The following KCNQ3 variants were observed in gnomAD, a reference collection of about 807,000 sequenced individuals.
The protein encoded by KCNQ3 is potassium voltage-gated channel subfamily Q member 3.
KCNQ3 carries 30 observed loss-of-function variants against 92.5 expected under a neutral mutation model. That is an observed-to-expected ratio of 0.32 (90% CI 0.24 to 0.44). KCNQ3 has a LOEUF of 0.44. Ranked by LOEUF, KCNQ3 falls within the 20% of genes least tolerant of loss-of-function variation. KCNQ3 has a pLI of 1.00. For synonymous variants in KCNQ3, 450 were observed against 468.8 expected (o/e 0.96, Z 0.52); for missense variants, 913 against 1,140.3 (o/e 0.80, Z 2.87).
chr8:132,201,850 T>G (rs1327333671), intron 1 of KCNQ3, among the ~76,000 whole-genome samples: 1 of 152,054 alleles, frequency 6.6e-6, no homozygotes, highest in Non-Finnish European at 1.5e-5. Flanking sequence ...CCTAGCGAGG[T>G]CTCTCTGTAA....
At chr8:132,249,201 G>A (rs1011323884) in intron 1 of KCNQ3, among the ~76,000 whole-genome samples, 3 of 152,202 alleles carry the variant, frequency 2.0e-5, no homozygotes, top group Non-Finnish European at 2.9e-5. Flanking sequence ...CCACAGTGCA[G>A]AAGGGGACCC....
At chr8:132,176,715 T>C (rs183378624) in intron 4 of KCNQ3, among the ~76,000 whole-genome samples, 4 of 152,286 alleles carry the variant, frequency 2.6e-5, no homozygotes, top group Admixed American at 1.3e-4. Context: ...GGAGTCATCT[T>C]CAGACTCATG....
intron 1 of KCNQ3, among the ~76,000 whole-genome samples, chr8:132,426,877 AAAC>A (rs1377513166): frequency 1.3e-5 from 2 of 152,172 alleles, no homozygotes; most frequent in African/African-American, 4.8e-5. Context: ...TTTCATGCAT[AAAC>A]AACACTTACA....
chr8:132,281,342 G>T (rs1816505336), intron 1 of KCNQ3, among the ~76,000 whole-genome samples: 1 of 152,044 alleles, frequency 6.6e-6, no homozygotes, highest in Non-Finnish European at 1.5e-5. Context: ...AAAAGCACCT[G>T]CCCTTCCTCC....
intron 1 of KCNQ3, among the ~76,000 whole-genome samples, chr8:132,277,664 C>T (rs1816378336): frequency 6.6e-6 from 1 of 152,052 alleles, no homozygotes; most frequent in Non-Finnish European, 1.5e-5. Flanking sequence ...GCTAAGAAGC[C>T]CAAATGAGCA....
intron 9 of KCNQ3, among the ~76,000 whole-genome samples, chr8:132,142,314 G>C: frequency 6.6e-6 from 1 of 152,158 alleles, no homozygotes; most frequent in East Asian, 1.9e-4. Context: ...TTAAGCCCAA[G>C]TCCACCCTTC....
chr8:132,154,225 G>GTTTTTT (rs1825738295), intron 9 of KCNQ3, among the ~76,000 whole-genome samples: 2 of 103,570 alleles, frequency 1.9e-5, no homozygotes, highest in African/African-American at 6.6e-5. Context: ...TTTTTTTTTA[G>GTTTTTT]CCAATCAGGC....
intron 1 of KCNQ3, among the ~76,000 whole-genome samples, chr8:132,301,627 G>T (rs1490121097): frequency 1.3e-5 from 2 of 152,208 alleles, no homozygotes; most frequent in African/African-American, 4.8e-5. Context: ...GTCTTGCTGG[G>T]TGATTGATGG....
intron 1 of KCNQ3, among the ~76,000 whole-genome samples, chr8:132,223,254 T>G (rs1477330537): frequency 6.6e-6 from 1 of 152,072 alleles, no homozygotes; most frequent in Non-Finnish European, 1.5e-5. Flanking sequence ...CTAATAAGAA[T>G]CTAATAATGT....
intron 1 of KCNQ3, among the ~76,000 whole-genome samples, chr8:132,259,740 T>C (rs747599320): frequency 2.6e-5 from 4 of 152,126 alleles, no homozygotes; most frequent in Non-Finnish European, 5.9e-5. Flanking sequence ...CATGATCTTT[T>C]ATACAAATAA....
At chr8:132,323,582 C>T (rs1001652538) in intron 1 of KCNQ3, among the ~76,000 whole-genome samples, 1 of 152,132 alleles carries the variant, frequency 6.6e-6, no homozygotes, top group Non-Finnish European at 1.5e-5. Flanking sequence ...TAGAAAATGG[C>T]CGTAGGTGCT....
intron 1 of KCNQ3, among the ~76,000 whole-genome samples, chr8:132,283,077 T>A (rs1242907307): frequency 2.7e-5 from 1 of 36,482 alleles, no homozygotes; most frequent in Non-Finnish European, 1.0e-4. Context: ...GATGAGGATC[T>A]CTCTCTCTCT....
rs35942631 is a variant in KCNQ3, at chr8:132,130,074, CT to C, written c.1885-79del. 0.2 allele frequency: 195,056 copies of C among 986,826 alleles called. 2,868 individuals are homozygous for C. The highest frequency in any genetic ancestry group is 0.22 in the Middle Eastern group (617 of 2,816). 61.1% of individuals were successfully genotyped at this position (986,826 alleles called of 1,614,324 possible). ...TTGCTATTGGTTGGGAGGAAATATTCTTTTTTTTTGTTTTTTTTTTTTTTTT... is the reference window on the plus strand; with the variant it reads ...TTGCTATTGGTTGGGAGGAAATATTCTTTTTTTTGTTTTTTTTTTTTTTTT... On this transcript the variant is annotated intron_variant, in intron 14 of 14. Transcript: ENST00000388996.
At chr8:132,309,373 A>G (rs748659269) in intron 1 of KCNQ3, among the ~76,000 whole-genome samples, 2 of 152,188 alleles carry the variant, frequency 1.3e-5, no homozygotes, top group Non-Finnish European at 2.9e-5. Flanking sequence ...TTAAGCACCT[A>G]CTGCATGCCA....
intron 1 of KCNQ3, among the ~76,000 whole-genome samples, chr8:132,419,253 C>A (rs978057089): frequency 6.6e-6 from 1 of 152,206 alleles, no homozygotes; most frequent in Non-Finnish European, 1.5e-5. Context: ...CAGCACCTTT[C>A]ATCCTCTCAA....
At chr8:132,422,637 T>A (rs1821003485) in intron 1 of KCNQ3, among the ~76,000 whole-genome samples, 1 of 152,310 alleles carries the variant, frequency 6.6e-6, no homozygotes, top group Admixed American at 6.5e-5. Context: ...CCCCCAGCAC[T>A]GGGCCTGACT....
At chr8:132,299,545 G>A (rs569499423) in intron 1 of KCNQ3, among the ~76,000 whole-genome samples, 33 of 152,258 alleles carry the variant, frequency 2.2e-4, no homozygotes, top group African/African-American at 7.5e-4. Context: ...TGATGGACCA[G>A]ACCAAGGGAA....
intron 1 of KCNQ3, among the ~76,000 whole-genome samples, chr8:132,460,695 C>A (rs1419106194): frequency 6.6e-6 from 1 of 152,198 alleles, no homozygotes; most frequent in Non-Finnish European, 1.5e-5. Flanking sequence ...TCTCTTGTCA[C>A]CATCTGCATC....
chr8:132,382,260 C>T (rs927484900), intron 1 of KCNQ3, among the ~76,000 whole-genome samples: 13 of 152,150 alleles, frequency 8.5e-5, no homozygotes, highest in Admixed American at 4.6e-4. Flanking sequence ...ATTTGGGTCC[C>T]GGAGGCAGAT....
Sources: allele counts gnomAD v4.1 joint callset (sites outside exome capture counted in the v4.1 genomes callset), GRCh38; gene constraint gnomAD v4.1.1; transcripts MANE v1.5; gene names NCBI Gene and HGNC (gene_info 2026-07-23, HGNC 2026-07-21).